Variants in PRKCE observed in about 807,000 individuals in gnomAD.
The protein encoded by PRKCE is protein kinase C epsilon type.
A neutral mutation model predicts 85.4 loss-of-function variants in PRKCE; 16 were observed. That is an observed-to-expected ratio of 0.19 (90% CI 0.13 to 0.28). The LOEUF (loss-of-function observed/expected upper bound fraction) is 0.28. PRKCE is among the 10% of genes least tolerant of loss of function. The probability of loss-of-function intolerance (pLI) is 1.00; values close to 1 mark genes in which losing one functional copy is unlikely to be tolerated. For synonymous variants in PRKCE, 388 were observed against 371.5 expected (o/e 1.04, Z -0.51); for missense variants, 573 against 975.2 (o/e 0.59, Z 5.49).
chr2:45,757,835 A>G (rs1400726012), intron 1 of PRKCE, among the ~76,000 whole-genome samples: 1 of 152,146 alleles, frequency 6.6e-6, no homozygotes, highest in African/African-American at 2.4e-5. Flanking sequence ...TTAGGATGGC[A>G]GGGGAGGACC....
chr2:46,098,351 G>A (rs958749604), intron 11 of PRKCE, among the ~76,000 whole-genome samples: 1 of 152,156 alleles, frequency 6.6e-6, no homozygotes, highest in African/African-American at 2.4e-5. Flanking sequence ...AATATTGTGA[G>A]AATCAAATGA....
At chr2:45,740,522 G>A (rs886745669) in intron 1 of PRKCE, among the ~76,000 whole-genome samples, 2 of 151,988 alleles carry the variant, frequency 1.3e-5, no homozygotes, top group Admixed American at 1.3e-4. Flanking sequence ...ACGTTCTTTA[G>A]GCCCCACTTG....
chr2:46,110,970 T>C (rs531976491), intron 11 of PRKCE, among the ~76,000 whole-genome samples: 1 of 152,330 alleles, frequency 6.6e-6, no homozygotes, highest in Admixed American at 6.5e-5. Flanking sequence ...TAAAAGTGTA[T>C]TGTTTTATCT....
intron 2 of PRKCE, among the ~76,000 whole-genome samples, chr2:45,940,738 C>T (rs1558862928): frequency 6.6e-6 from 1 of 152,162 alleles, no homozygotes; most frequent in South Asian, 2.1e-4. Flanking sequence ...ATACCTTTTG[C>T]TTAATAACTT....
At chr2:45,788,896 T>C (rs1686823818) in intron 1 of PRKCE, among the ~76,000 whole-genome samples, 1 of 152,198 alleles carries the variant, frequency 6.6e-6, no homozygotes, top group Non-Finnish European at 1.5e-5. Context: ...ACTTACACCA[T>C]TGGTCCTCAA....
chr2:45,818,675 A>G (rs1251489536), intron 1 of PRKCE, among the ~76,000 whole-genome samples: 1 of 152,206 alleles, frequency 6.6e-6, no homozygotes, highest in Non-Finnish European at 1.5e-5. Context: ...GAAAACTCAA[A>G]GGAGCCTCTG....
At chr2:45,869,676 CTTTTTG>C (rs966574537) in intron 2 of PRKCE, among the ~76,000 whole-genome samples, 6 of 137,526 alleles carry the variant, frequency 4.4e-5, no homozygotes, top group African/African-American at 1.3e-4. Context: ...TTACATTTTT[CTTTTTG>C]TTTTTGTTTT....
At chr2:45,776,740 C>T (rs1685778494) in intron 1 of PRKCE, among the ~76,000 whole-genome samples, 1 of 152,158 alleles carries the variant, frequency 6.6e-6, no homozygotes, top group East Asian at 1.9e-4. Context: ...TAAAGAAGCC[C>T]AAATGTGGTT....
chr2:45,911,736 T>C (rs1217550783), intron 2 of PRKCE, among the ~76,000 whole-genome samples: 1 of 152,172 alleles, frequency 6.6e-6, no homozygotes, highest in East Asian at 1.9e-4. Context: ...GTGACAAAGG[T>C]GAGCTGGGCC....
intron 2 of PRKCE, among the ~76,000 whole-genome samples, chr2:45,975,617 G>C (rs1702396858): frequency 6.6e-6 from 1 of 152,128 alleles, no homozygotes; most frequent in African/African-American, 2.4e-5. Context: ...TATTAATTTT[G>C]AGGGGGCAAA....
intron 1 of PRKCE, among the ~76,000 whole-genome samples, chr2:45,746,120 C>A (rs1683118028): frequency 6.6e-6 from 1 of 152,128 alleles, no homozygotes; most frequent in South Asian, 2.1e-4. Flanking sequence ...TTTTCCCTGC[C>A]CCTTCCCTCC....
intron 2 of PRKCE, among the ~76,000 whole-genome samples, chr2:45,913,549 A>G (rs1010052424): frequency 6.6e-6 from 1 of 152,192 alleles, no homozygotes; most frequent in African/African-American, 2.4e-5. Flanking sequence ...GTATCTGGAA[A>G]AGGGGCCTCA....
Position 45,984,545 on chromosome 2 carries a change from C to T in PRKCE, c.694-6C>T, listed in dbSNP as rs1703157882. On this transcript the variant is annotated splice_region_variant and splice_polypyrimidine_tract_variant and intron_variant, in intron 5 of 14. Transcript: ENST00000306156. ...GTGGTGAACCTGTATCTTGCCATCC[C>T]TGCAGGTGGGCTCCCAGCGGTTCAG... 1 of 1,599,464 alleles carries T rather than the reference C, an allele frequency of 6.3e-7. No individual in the cohort carries two copies. The highest frequency in any genetic ancestry group is 1.1e-5 in the South Asian group (1 of 91,044).
At chr2:45,824,841 A>G (rs1469088452) in intron 1 of PRKCE, among the ~76,000 whole-genome samples, 3 of 152,086 alleles carry the variant, frequency 2.0e-5, no homozygotes, top group Admixed American at 2.0e-4. Context: ...ATTCTAATGG[A>G]GATTTCCTGT....
intron 1 of PRKCE, among the ~76,000 whole-genome samples, chr2:45,822,019 A>G (rs1308971374): frequency 6.6e-6 from 1 of 152,106 alleles, no homozygotes; most frequent in Non-Finnish European, 1.5e-5. Context: ...GGGGCGTGGG[A>G]GGACCTGTAG....
chr2:45,715,557 C>G (rs1680017791), intron 1 of PRKCE, among the ~76,000 whole-genome samples: 1 of 152,222 alleles, frequency 6.6e-6, no homozygotes, highest in South Asian at 2.1e-4. Context: ...GCAAGAGACT[C>G]CTGCTCATCT....
At chr2:46,152,610 G>A (rs1270266047) in intron 13 of PRKCE, among the ~76,000 whole-genome samples, 12 of 151,786 alleles carry the variant, frequency 7.9e-5, no homozygotes, top group African/African-American at 2.2e-4. Flanking sequence ...GTGCAGTGGC[G>A]TGATCTCGGC....
intron 10 of PRKCE, among the ~76,000 whole-genome samples, chr2:46,063,930 A>G (rs1667378971): frequency 6.6e-6 from 1 of 152,312 alleles, no homozygotes; most frequent in East Asian, 1.9e-4. Flanking sequence ...GTTGTTGACT[A>G]TCATCAGGTG....
chr2:45,896,945 A>G (rs28441457), intron 2 of PRKCE, among the ~76,000 whole-genome samples: 4,438 of 152,030 alleles, frequency 0.029, 198 homozygotes, highest in African/African-American at 0.1. Context: ...TTAGCTGAAT[A>G]TTTCCGCCTG....
Sources: gnomAD v4.1 joint callset for allele counts (sites outside exome capture counted in the v4.1 genomes callset) on GRCh38, gnomAD v4.1.1 for gene constraint, MANE v1.5 for transcripts, NCBI Gene and HGNC (gene_info 2026-07-23, HGNC 2026-07-21) for gene names.